Variants in PAK2 observed in about 807,000 individuals in gnomAD.
PAK2 encodes p21 (RAC1) activated kinase 2.
In PAK2, 21 loss-of-function variants were observed where a neutral mutation model predicts 65.9. The observed-to-expected ratio is 0.32, with a 90% confidence interval of 0.23 to 0.46. The LOEUF is 0.46. PAK2 is among the 20% of genes least tolerant of loss of function. The probability of loss-of-function intolerance (pLI) is 1.00; values close to 1 mark genes in which losing one functional copy is unlikely to be tolerated. For synonymous variants in PAK2, 204 were observed against 219.7 expected, an observed-to-expected ratio of 0.93 and a Z score of 0.63; for missense variants, 324 against 642.6, an observed-to-expected ratio of 0.50 and a Z score of 5.36.
intron 1 of PAK2, among the ~76,000 whole-genome samples, chr3:196,772,526 C>T (rs2108731040): frequency 6.6e-6 from 1 of 152,264 alleles, no homozygotes; most frequent in South Asian, 2.1e-4. Context: ...TTTTTACCAG[C>T]CTCCAGATTG....
intron 1 of PAK2, among the ~76,000 whole-genome samples, chr3:196,775,372 GA>G: frequency 6.6e-6 from 1 of 151,610 alleles, no homozygotes; most frequent in South Asian, 2.1e-4. Context: ...TTGAACAGTA[GA>G]AAAAATATTT....
chr3:196,758,098 A>G (rs1257068372), intron 1 of PAK2, among the ~76,000 whole-genome samples: 3 of 152,234 alleles, frequency 2.0e-5, no homozygotes, highest in Non-Finnish European at 2.9e-5. Context: ...TTCAAGAAAT[A>G]ATGACTCATC....
At chr3:196,747,134 G>T in intron 1 of PAK2, 1 of 148,382 alleles carries the variant, frequency 6.7e-6, no homozygotes, top group African/African-American at 2.5e-5. Context: ...TTTTCTGAAT[G>T]CCTGATTTCT....
chr3:196,827,479 C>G, intron 14 of PAK2, 146 bp downstream of exon 14: 1 of 1,465,184 alleles, frequency 6.8e-7, no homozygotes, highest in South Asian at 1.4e-5. Flanking sequence ...TTCATCCTAC[C>G]ATGCTGAGCA....
chr3:196,810,270 A>G (rs1182435960), intron 7 of PAK2, among the ~76,000 whole-genome samples: 1 of 152,044 alleles, frequency 6.6e-6, no homozygotes, highest in Non-Finnish European at 1.5e-5. Context: ...ATCTCTGACA[A>G]ACTGGTACAG....
rs573786860 is a variant in PAK2 at position 196,825,520 on chromosome 3, A to G, written c.1351-1676A>G. ...TAGCCGGGCATTTTGGCGGGCGCCT[A>G]TAATCCCAGCTACTCGGAAGGCTGA... is the stretch of plus-strand genomic sequence containing the variant. On this transcript the variant is annotated intron_variant, in intron 13 of 14. Coordinates refer to ENST00000327134, the MANE Select transcript of PAK2 (RefSeq NM_002577.4). 1.4e-3 allele frequency among the ~76,000 whole-genome samples: 215 copies of G among 149,662 alleles called. 3 individuals are homozygous for G. Among genetic ancestry groups the G allele is most frequent in the Middle Eastern group, 0.014 (4 of 292 alleles).
At chr3:196,824,697 A>G (rs1223388423) in intron 13 of PAK2, among the ~76,000 whole-genome samples, 2 of 152,010 alleles carry the variant, frequency 1.3e-5, no homozygotes, top group Non-Finnish European at 2.9e-5. Flanking sequence ...AGCCCATGGA[A>G]CAACTAGGCA....
intron 1 of PAK2, 28 bp from the exon 2 acceptor site, chr3:196,782,598 T>C: frequency 8.9e-7 from 1 of 1,122,460 alleles, no homozygotes; most frequent in East Asian, 2.5e-5. Flanking sequence ...TTTTACTTTG[T>C]TACTAATTGT....
At chr3:196,804,806 GA>G (rs1266823798) in intron 4 of PAK2, among the ~76,000 whole-genome samples, 5 of 142,554 alleles carry the variant, frequency 3.5e-5, no homozygotes, top group Non-Finnish European at 6.1e-5. Context: ...GTGTGTGTGT[GA>G]TATATATATA....
intron 11 of PAK2, among the ~76,000 whole-genome samples, chr3:196,816,591 G>C (rs751161794): frequency 6.6e-5 from 10 of 152,066 alleles, no homozygotes; most frequent in Non-Finnish European, 1.2e-4. Context: ...GTATTTTCTG[G>C]AGCTTTGAAT....
At chr3:196,786,092 C>T (rs1333903693) in intron 2 of PAK2, among the ~76,000 whole-genome samples, 7 of 151,922 alleles carry the variant, frequency 4.6e-5, no homozygotes, top group Admixed American at 4.6e-4. Flanking sequence ...TGTGATTTGC[C>T]TTCTCACCCT....
At chr3:196,785,736 G>T (rs1337082851) in intron 2 of PAK2, among the ~76,000 whole-genome samples, 1 of 152,206 alleles carries the variant, frequency 6.6e-6, no homozygotes, top group African/African-American at 2.4e-5. Flanking sequence ...TCACATGGCT[G>T]GGGAGGCCTC....
At chr3:196,784,415 C>G (rs1045073669) in intron 2 of PAK2, among the ~76,000 whole-genome samples, 6 of 113,566 alleles carry the variant, frequency 5.3e-5, no homozygotes, top group Middle Eastern at 3.7e-3. Flanking sequence ...TGTGATATTC[C>G]CCTTCCTGTG....
intron 4 of PAK2, among the ~76,000 whole-genome samples, chr3:196,803,824 G>T (rs886090670): frequency 2.0e-5 from 3 of 152,188 alleles, no homozygotes; most frequent in Non-Finnish European, 2.9e-5. Context: ...CAGTATCTGA[G>T]ATATACCGTT....
intron 1 of PAK2, among the ~76,000 whole-genome samples, chr3:196,755,365 C>A (rs773832111): frequency 5.3e-5 from 8 of 152,122 alleles, no homozygotes; most frequent in Non-Finnish European, 1.0e-4. Context: ...GACCCTCCCT[C>A]CCCATTTTTC....
intron 1 of PAK2, among the ~76,000 whole-genome samples, chr3:196,758,370 C>T (rs950655453): frequency 2.0e-5 from 3 of 152,220 alleles, no homozygotes; most frequent in Non-Finnish European, 4.4e-5. Context: ...AGGTGGTGGG[C>T]AGAAAGTAGA....
In PAK2 at chr3:196,791,904, G is replaced by A. The variant is rs1168803979; in HGVS notation, c.187+9071G>A. 2.0e-5 allele frequency among the ~76,000 whole-genome samples: 3 copies of A among 148,548 alleles called. No homozygotes were observed. The highest frequency in any genetic ancestry group is 5.0e-5 in the African/African-American group (2 of 40,116). ...CGCGCCACCGCACTCCAACCTGGGCGACAGAGCGAGACTCCGTCAAAAAAA... is the reference window on the plus strand; with the variant it reads ...CGCGCCACCGCACTCCAACCTGGGCAACAGAGCGAGACTCCGTCAAAAAAA... On this transcript the variant is annotated intron_variant, in intron 2 of 14. Coordinates refer to ENST00000327134, the MANE Select transcript of PAK2 (RefSeq NM_002577.4). This position sits in a 1 kb window ranked among gnomAD's most constrained non-coding sequence, Gnocchi z 4.0.
Position 196,764,341 on chromosome 3 carries a change from C to T in PAK2, c.-21-18285C>T, listed in dbSNP as rs545373268. 5.9e-5 allele frequency among the ~76,000 whole-genome samples: 9 copies of T among 152,050 alleles called. No homozygotes were observed. In the East Asian group the frequency reaches 9.7e-4, roughly 16 times the overall value. On this transcript the variant is annotated intron_variant, in intron 1 of 14. Transcript: ENST00000327134. ...TAGAAGTCCATTTTTTCTTGCCAGG[C>T]GCAGTGGCTCACACCTATAATCCCA...
At chr3:196,827,497 G>A (rs746044030) in intron 14 of PAK2, 164 bp downstream of exon 14, 368 of 953,614 alleles carry the variant, frequency 3.9e-4, no homozygotes, top group Non-Finnish European at 4.3e-4. Context: ...GCAAACTACC[G>A]CAAGGACAGA....
Sources: allele counts gnomAD v4.1 joint callset (sites outside exome capture counted in the v4.1 genomes callset), GRCh38; gene constraint gnomAD v4.1.1; non-coding constraint Gnocchi (gnomAD v3.1); transcripts MANE v1.5; gene names NCBI Gene and HGNC (gene_info 2026-07-23, HGNC 2026-07-21).